The following ZNF438 variants were observed in gnomAD, a reference collection of about 807,000 sequenced individuals.
ZNF438 encodes the protein zinc finger protein 438.
Under a neutral mutation model 38.0 loss-of-function variants are expected in ZNF438, and 25 were observed. The ratio of observed to expected loss-of-function variants is 0.66; its 90% CI spans 0.48 to 0.92. ZNF438 has a LOEUF of 0.92. Among genes scored for constraint, ZNF438 ranks in the 40% least tolerant of loss-of-function variants. The probability of loss-of-function intolerance (pLI) is 0.00; values close to 1 mark genes in which losing one functional copy is unlikely to be tolerated. For missense variants in ZNF438, 1,007 were observed against 999.6 expected, an observed-to-expected ratio of 1.01 and a Z score of -0.10; for synonymous variants, 372 against 364.1, an observed-to-expected ratio of 1.02 and a Z score of -0.25.
intron 1 of ZNF438, among the ~76,000 whole-genome samples, chr10:30,966,844 A>C (rs933062953): frequency 1.3e-5 from 2 of 152,184 alleles, no homozygotes; most frequent in Non-Finnish European, 2.9e-5. Flanking sequence ...ACTGTATTCC[A>C]GACAGTTAAG....
chr10:30,848,865 G>GGTT, exon 5 of ZNF438: 2 of 1,614,238 alleles, frequency 1.2e-6, no homozygotes, highest in Non-Finnish European at 1.7e-6. Flanking sequence ...TGGAAGTGGT[G>GGTT]GTTGCAGACG....
chr10:30,954,685 C>G (rs1487243433), intron 1 of ZNF438, among the ~76,000 whole-genome samples: 1 of 152,078 alleles, frequency 6.6e-6, no homozygotes, highest in Non-Finnish European at 1.5e-5. Context: ...AAAAAAATGC[C>G]TCTCTAAAAT....
At chr10:30,924,673 T>G (rs2044706893) in intron 2 of ZNF438, among the ~76,000 whole-genome samples, 1 of 152,220 alleles carries the variant, frequency 6.6e-6, no homozygotes, top group Non-Finnish European at 1.5e-5. Context: ...AACACCAAAC[T>G]CAAATTGATA....
At chr10:30,858,118 G>A (rs1006969461) in intron 4 of ZNF438, among the ~76,000 whole-genome samples, 4 of 152,230 alleles carry the variant, frequency 2.6e-5, no homozygotes, top group Non-Finnish European at 4.4e-5. Flanking sequence ...AAAGAGAGGC[G>A]TGTCCCTGCT....
chr10:30,903,718 C>T (rs1467700546), intron 3 of ZNF438, among the ~76,000 whole-genome samples: 1 of 152,086 alleles, frequency 6.6e-6, no homozygotes, highest in Non-Finnish European at 1.5e-5. Context: ...AACTACTCTC[C>T]CAAGGAAAAT....
intron 1 of ZNF438, among the ~76,000 whole-genome samples, chr10:31,015,413 G>A (rs1467044817): frequency 6.6e-6 from 1 of 152,164 alleles, no homozygotes; most frequent in East Asian, 1.9e-4. Flanking sequence ...GGAGGCAGAG[G>A]CAAGCAGATC....
chr10:30,995,190 A>G (rs2053921409), intron 1 of ZNF438, among the ~76,000 whole-genome samples: 2 of 152,218 alleles, frequency 1.3e-5, no homozygotes, highest in African/African-American at 4.8e-5. Flanking sequence ...AAAGAGATAT[A>G]CTTCCAGACA....
intron 1 of ZNF438, among the ~76,000 whole-genome samples, chr10:30,977,491 A>C (rs1465544761): frequency 6.6e-6 from 1 of 152,196 alleles, no homozygotes; most frequent in Non-Finnish European, 1.5e-5. Flanking sequence ...AACTGGTGTA[A>C]CATCCCAGCC....
intron 3 of ZNF438, among the ~76,000 whole-genome samples, chr10:30,902,766 CG>C (rs938688649): frequency 5.3e-5 from 8 of 152,222 alleles, no homozygotes; most frequent in Admixed American, 1.3e-4. Context: ...GATCTCCCAC[CG>C]GGCCGCAGGT....
At chr10:30,849,105 G>T in exon 5 of ZNF438, 6 of 1,613,756 alleles carry the variant, frequency 3.7e-6, no homozygotes, top group Non-Finnish European at 5.1e-6. Flanking sequence ...ATAATGCTAC[G>T]GTATTTTTTC....
At chr10:30,851,518 G>A (rs553556564) in intron 4 of ZNF438, among the ~76,000 whole-genome samples, 28 of 152,292 alleles carry the variant, frequency 1.8e-4, no homozygotes, top group African/African-American at 5.1e-4. Context: ...TGAAATTTTT[G>A]GAGGAAGATG....
intron 4 of ZNF438, among the ~76,000 whole-genome samples, chr10:30,865,872 G>C (rs2036337936): frequency 6.6e-6 from 1 of 152,188 alleles, no homozygotes; most frequent in South Asian, 2.1e-4. Context: ...AGCAAGAGGG[G>C]ATTAGATTAG....
exon 6 of ZNF438, chr10:30,845,382 G>C: frequency 6.2e-7 from 1 of 1,614,118 alleles, no homozygotes; most frequent in Non-Finnish European, 8.5e-7. Context: ...CTCTTCCTGA[G>C]TCCCCTTGCT....
At chr10:30,991,797 T>A (rs2053532243) in intron 1 of ZNF438, among the ~76,000 whole-genome samples, 1 of 152,028 alleles carries the variant, frequency 6.6e-6, no homozygotes, top group South Asian at 2.1e-4. Context: ...TGTGCCCAAG[T>A]GGGAGGCTGC....
Position 30,845,206 on chromosome 10 carries a change from A to C in ZNF438, c.2242T>G (p.Ser748Ala), listed in dbSNP as rs754306440. ...GTTTCCCTTGGCTTGTTGGTTCCTG[A>C]CTGGGGTCCTTCATTTTCCATGAGC... is the stretch of plus-strand genomic sequence containing the variant. Residue 748 changes from serine to alanine, a missense_variant, in exon 6 of 6, where the codon TCA becomes GCA. Coordinates refer to ENST00000413025, the Ensembl canonical transcript of ZNF438. 5 of 1,614,004 alleles carry C rather than the reference A, an allele frequency of 3.1e-6. No individual in the cohort carries two copies. In the African/African-American group the frequency reaches 6.7e-5, roughly 22 times the overall value.
chr10:30,943,736 A>G (rs988892477), intron 1 of ZNF438, among the ~76,000 whole-genome samples: 1 of 152,140 alleles, frequency 6.6e-6, no homozygotes, highest in Non-Finnish European at 1.5e-5. Flanking sequence ...GAGTTATAAG[A>G]AAAGGAACTA....
chr10:31,008,120 G>A (rs2055333130), intron 1 of ZNF438, among the ~76,000 whole-genome samples: 1 of 152,126 alleles, frequency 6.6e-6, no homozygotes, highest in African/African-American at 2.4e-5. Flanking sequence ...ATAAAGTTGA[G>A]TCATGGCATA....
At chr10:30,954,117 C>T (rs534248528) in intron 1 of ZNF438, among the ~76,000 whole-genome samples, 1 of 152,028 alleles carries the variant, frequency 6.6e-6, no homozygotes, top group African/African-American at 2.4e-5. Flanking sequence ...CACTCCAGCC[C>T]AGGCGACAGT....
intron 1 of ZNF438, among the ~76,000 whole-genome samples, chr10:31,017,501 T>C (rs1318075390): frequency 6.6e-6 from 1 of 152,220 alleles, no homozygotes; most frequent in Non-Finnish European, 1.5e-5. Context: ...CATAATCTCC[T>C]AAAAATTTCA....
Sources: allele counts gnomAD v4.1 joint callset (sites outside exome capture counted in the v4.1 genomes callset), GRCh38; gene constraint gnomAD v4.1.1; transcripts MANE v1.5; gene names NCBI Gene and HGNC (gene_info 2026-07-23, HGNC 2026-07-21).